The following EARS2 variants were observed in gnomAD, a reference collection of about 807,000 sequenced individuals.
The protein encoded by EARS2 is glutamyl-tRNA synthetase 2, mitochondrial.
In EARS2, 50 loss-of-function variants were observed where a neutral mutation model predicts 54.1. That is an observed-to-expected ratio of 0.92 (90% CI 0.74 to 1.17). The LOEUF is 1.17. EARS2 is among the 50% of genes most tolerant of loss of function. The probability of loss-of-function intolerance (pLI) is 0.00; values close to 1 mark genes in which losing one functional copy is unlikely to be tolerated. For synonymous variants in EARS2, 298 were observed against 281.0 expected (o/e 1.06, Z -0.61); for missense variants, 673 against 675.0 (o/e 1.00, Z 0.03).
intron 1 of EARS2, chr16:23,556,739 G>A: frequency 2.7e-6 from 1 of 374,468 alleles, no homozygotes; most frequent in African/African-American, 2.1e-5. Context: ...TACCTGCTCA[G>A]TAAAGCCTTC....
chr16:23,543,730 C>CAAAAAAAAA, intron 3 of EARS2, among the ~76,000 whole-genome samples: 1 of 58,822 alleles, frequency 1.7e-5, no homozygotes, highest in Non-Finnish European at 3.6e-5. Context: ...GAGACTGTCT[C>CAAAAAAAAA]AAAAAAAAAA....
chr16:23,525,550 C>T lies in EARS2; in HGVS notation c.1353-171G>A, dbSNP rs557415355. On this transcript the variant is annotated intron_variant, in intron 7 of 8. Transcript: ENST00000449606. ...TGACCACTTTCTCCCTTATCCAGGT[C>T]GGGAAGGAAAAACCACCAAGGGACC... Among the ~76,000 whole-genome samples, 66 of 152,180 alleles carry T rather than the reference C, an allele frequency of 4.3e-4. 1 individual carries two copies. The highest frequency in any genetic ancestry group is 1.5e-3 in the African/African-American group (61 of 41,518).
intron 3 of EARS2, among the ~76,000 whole-genome samples, chr16:23,543,117 CAAA>C (rs35137770): frequency 1.4e-5 from 1 of 71,988 alleles, no homozygotes. Flanking sequence ...TCTGTCTCAC[CAAA>C]AAAAAAAAAA....
intron 5 of EARS2, among the ~76,000 whole-genome samples, 182 bp from the exon 6 acceptor site, chr16:23,530,079 A>G (rs1965299409): frequency 6.6e-6 from 1 of 152,214 alleles, no homozygotes; most frequent in East Asian, 1.9e-4. Context: ...AAGGTCACAA[A>G]CAGCCTGAAA....
chr16:23,532,896 C>G (rs1965351092), intron 4 of EARS2, 131 bp from the exon 5 acceptor site: 1 of 566,674 alleles, frequency 1.8e-6, no homozygotes. Flanking sequence ...TCCTAGCTCA[C>G]TGTAACCTCA....
At chr16:23,543,954 G>C (rs1965558501) in intron 3 of EARS2, among the ~76,000 whole-genome samples, 1 of 152,162 alleles carries the variant, frequency 6.6e-6, no homozygotes, top group Non-Finnish European at 1.5e-5. Flanking sequence ...CTCATGTTTA[G>C]ACTTGGGTCC....
chr16:23,556,252 C>CA, intron 1 of EARS2, among the ~76,000 whole-genome samples: 1 of 152,240 alleles, frequency 6.6e-6, no homozygotes, highest in Admixed American at 6.5e-5. Context: ...ACGAGATCTC[C>CA]AACAGGCTAT....
In EARS2 at chr16:23,535,347, A is replaced by G. The variant is rs761616493; in HGVS notation, c.499T>C (p.Cys167Arg). The change falls in exon 4 of 9, where the codon TGC (cysteine) becomes CGC (arginine). Residue 167 changes from cysteine (C) to arginine (R), a missense_variant. Cys to Arg is a radical substitution (Grantham distance 180). Around this residue, in one of 3 missense-constraint regions of EARS2, gnomAD observed 316 missense variants for 275.2 expected, o/e 1.15. Coordinates refer to ENST00000449606, the MANE Select transcript of EARS2 (RefSeq NM_001083614.2). ...ACCTGCTCCTGGCTCATGTTCCTGC[A>G]CCGATTGTCATACCTGATGGGGAGC... ...NHQTPRYDNRCRNMSQEQVAQ... is the reference protein window; with the variant it reads ...NHQTPRYDNRRRNMSQEQVAQ... 2 of 1,598,974 alleles carry G rather than the reference A, an allele frequency of 1.3e-6. No homozygotes were observed. The highest frequency in any genetic ancestry group is 1.7e-6 in the Non-Finnish European group (2 of 1,179,742).
At chr16:23,538,547 T>G (rs1965461899) in intron 3 of EARS2, among the ~76,000 whole-genome samples, 1 of 152,220 alleles carries the variant, frequency 6.6e-6, no homozygotes, top group Non-Finnish European at 1.5e-5. Context: ...GAATACTTGT[T>G]TTAAATGTGC....
At chr16:23,524,998 G>A in intron 8 of EARS2, 1 of 603,826 alleles carries the variant, frequency 1.7e-6, no homozygotes, top group Admixed American at 3.2e-5. Flanking sequence ...CCAATAAACT[G>A]CAAACCCCAT....
intron 4 of EARS2, among the ~76,000 whole-genome samples, chr16:23,534,665 C>G (rs1490250910): frequency 6.6e-6 from 1 of 152,164 alleles, no homozygotes. Flanking sequence ...CTATAAGTCC[C>G]TTGAGGGCAG....
At chr16:23,532,603 A>T in intron 5 of EARS2, 54 bp downstream of exon 5, 1 of 1,364,714 alleles carries the variant, frequency 7.3e-7, no homozygotes, top group South Asian at 1.2e-5. Context: ...TGTAGGGATC[A>T]TCATAAGCAA....
chr16:23,552,369 G>GT, intron 1 of EARS2, 65 bp from the exon 2 acceptor site: 1 of 1,529,452 alleles, frequency 6.5e-7, no homozygotes, highest in Non-Finnish European at 9.0e-7. Flanking sequence ...CAAGGGGCAA[G>GT]TAAGCACTAC....
intron 3 of EARS2, among the ~76,000 whole-genome samples, chr16:23,539,997 A>G (rs1965486366): frequency 6.7e-6 from 1 of 149,114 alleles, no homozygotes; most frequent in Non-Finnish European, 1.5e-5. Context: ...CAAAAAATAC[A>G]AAAAAAATTT....
In EARS2 at chr16:23,520,819, C is replaced by T. The variant is rs555424709; in HGVS notation, c.*3552G>A. ...TTAATTTCTTGTTGAGACAGAGTGT[C>T]GCTCTGTTCCCCAGGCTGGAGTACA... On this transcript the variant is annotated 3_prime_UTR_variant, in exon 9 of 9. Transcript: ENST00000449606. Among the ~76,000 whole-genome samples the T allele has an allele frequency of 2.8e-4, 42 of 152,200 alleles. No homozygotes were observed. The highest frequency in any genetic ancestry group is 2.2e-3 in the Admixed American group (33 of 15,272).
chr16:23,546,624 C>T (rs1483940843), intron 2 of EARS2, among the ~76,000 whole-genome samples: 2 of 152,154 alleles, frequency 1.3e-5, no homozygotes, highest in Non-Finnish European at 1.5e-5. Context: ...GGCACGTTCT[C>T]GGCTAATTGA....
At chr16:23,536,671 A>C (rs1428085814) in intron 3 of EARS2, among the ~76,000 whole-genome samples, 2 of 147,900 alleles carry the variant, frequency 1.4e-5, no homozygotes, top group Admixed American at 6.7e-5. Flanking sequence ...CAAAAAAAAA[A>C]CTTTTTTTTT....
At chr16:23,544,769 C>A in intron 2 of EARS2, 66 bp from the exon 3 acceptor site, 1 of 1,339,832 alleles carries the variant, frequency 7.5e-7, no homozygotes, top group Non-Finnish European at 1.0e-6. Flanking sequence ...TTGCTCTAAG[C>A]ACTTTATGCA....
intron 2 of EARS2, among the ~76,000 whole-genome samples, chr16:23,545,761 T>C (rs925815761): frequency 2.6e-5 from 4 of 152,152 alleles, no homozygotes; most frequent in Admixed American, 2.6e-4. Context: ...ACTTCCGGGC[T>C]CAAGCCACCC....
Sources: allele counts gnomAD v4.1 joint callset (sites outside exome capture counted in the v4.1 genomes callset), GRCh38; gene constraint gnomAD v4.1.1; regional missense constraint gnomAD v4.1.1; transcripts MANE v1.5; gene names NCBI Gene and HGNC (gene_info 2026-07-23, HGNC 2026-07-21).